SYTL3: variants seen among roughly 807,000 people sequenced by gnomAD.
SYTL3 encodes the protein synaptotagmin like 3, also known as synaptotagmin-like protein 3.
In SYTL3, 88 loss-of-function variants were observed where a neutral mutation model predicts 82.1. The observed-to-expected ratio is 1.07, with a 90% CI of 0.90 to 1.28. The LOEUF (loss-of-function observed/expected upper bound fraction) is 1.28, where lower values mean the gene tolerates loss of function less well. Among genes scored for constraint, SYTL3 ranks in the 50% most tolerant of loss-of-function variants. The pLI is 0.00. For missense variants in SYTL3, 831 were observed against 757.6 expected (o/e 1.10, Z -1.14); for synonymous variants, 311 against 289.4 (o/e 1.07, Z -0.76).
At chr6:158,760,168 G>A (rs1789714523) in intron 14 of SYTL3, among the ~76,000 whole-genome samples, 1 of 152,152 alleles carries the variant, frequency 6.6e-6, no homozygotes, top group Non-Finnish European at 1.5e-5. Context: ...ACCACACCCT[G>A]AGGGGCCACC....
intron 4 of SYTL3, among the ~76,000 whole-genome samples, chr6:158,664,291 TC>T (rs1449038716): frequency 6.6e-6 from 1 of 152,230 alleles, no homozygotes; most frequent in Admixed American, 6.5e-5. Context: ...ACGCCTGTCA[TC>T]CCAGCACTTT....
At chr6:158,666,016 T>C (rs559757265) in intron 5 of SYTL3, among the ~76,000 whole-genome samples, 1 of 152,196 alleles carries the variant, frequency 6.6e-6, no homozygotes, top group East Asian at 1.9e-4. Flanking sequence ...GAGGCTGAGA[T>C]GAGAGGATCA....
intron 17 of SYTL3, among the ~76,000 whole-genome samples, chr6:158,764,165 G>A (rs958762243): frequency 1.3e-5 from 2 of 152,172 alleles, no homozygotes; most frequent in South Asian, 2.1e-4. Flanking sequence ...AGTCTGAGAC[G>A]GCCCCACCCA....
In SYTL3 at chr6:158,764,534, C is replaced by G. The variant is rs755226340; in HGVS notation, c.1763C>G (p.Ser588Trp). 3 of 1,613,932 alleles carry G rather than the reference C, an allele frequency of 1.9e-6. No individual in the cohort carries two copies. The highest frequency in any genetic ancestry group is 1.3e-5 in the African/African-American group (1 of 74,898). Residue 588 changes from serine (S) to tryptophan (W), a missense_variant, in exon 18 of 18, where the codon TCG (serine) becomes TGG (tryptophan). Coordinates refer to ENST00000611299, the MANE Select transcript of SYTL3 (RefSeq NM_001242394.2). ...GTTGGCGGGGATGCATGCTCACTAT[C>G]GAAGCTCCAGTGGCAGAAAGTCCTT... ...TAVGGDACSL[S>W]KLQWQKVLSS...
At chr6:158,745,417 C>T in intron 11 of SYTL3, 63 bp from the exon 12 acceptor site, 1 of 1,420,188 alleles carries the variant, frequency 7.0e-7, no homozygotes. Flanking sequence ...TGTCTTGAAA[C>T]CAGAACATCA....
intron 7 of SYTL3, 142 bp from the exon 8 acceptor site, chr6:158,708,180 G>T (rs1396916103): frequency 1.3e-6 from 1 of 744,132 alleles, no homozygotes; most frequent in African/African-American, 1.7e-5. Context: ...AGGGCTGCTG[G>T]CTATTTTTCC....
At chr6:158,701,712 G>T (rs1781327673) in intron 6 of SYTL3, among the ~76,000 whole-genome samples, 1 of 151,844 alleles carries the variant, frequency 6.6e-6, no homozygotes, top group South Asian at 2.1e-4. Flanking sequence ...TTGCCTCCTG[G>T]GGCTGCAGTA....
At chr6:158,674,571 T>A (rs1777814278) in intron 5 of SYTL3, among the ~76,000 whole-genome samples, 1 of 152,246 alleles carries the variant, frequency 6.6e-6, no homozygotes, top group African/African-American at 2.4e-5. Context: ...GTGCTCCTGC[T>A]TTCGGCCTTC....
At chr6:158,750,861 T>C (rs1403344775) in intron 12 of SYTL3, among the ~76,000 whole-genome samples, 1 of 152,182 alleles carries the variant, frequency 6.6e-6, no homozygotes, top group African/African-American at 2.4e-5. Context: ...AGTGGCGCGA[T>C]CTCGGCTCAC....
intron 2 of SYTL3, among the ~76,000 whole-genome samples, chr6:158,661,020 A>T (rs1789320536): frequency 6.6e-6 from 1 of 152,196 alleles, no homozygotes; most frequent in African/African-American, 2.4e-5. Flanking sequence ...GTGCCACTGC[A>T]CTCCAGCCTG....
chr6:158,700,211 G>A (rs1281546278), intron 6 of SYTL3, among the ~76,000 whole-genome samples: 2 of 152,032 alleles, frequency 1.3e-5, no homozygotes, highest in Non-Finnish European at 2.9e-5. Flanking sequence ...AGCCGAGATC[G>A]CACCATTGTA....
chr6:158,756,718 A>ATTTTTTTT (rs1554266255), intron 13 of SYTL3, among the ~76,000 whole-genome samples: 1 of 47,340 alleles, frequency 2.1e-5, no homozygotes, highest in Non-Finnish European at 4.0e-5. Flanking sequence ...CTCAAAAAAA[A>ATTTTTTTT]ATTTTTTTTT....
At chr6:158,734,988 C>T (rs1025483942) in intron 11 of SYTL3, among the ~76,000 whole-genome samples, 2 of 152,188 alleles carry the variant, frequency 1.3e-5, no homozygotes, top group Non-Finnish European at 2.9e-5. Flanking sequence ...GACTGTAGAA[C>T]TCTGATTCAA....
chr6:158,678,976 T>G (rs1019104264), intron 5 of SYTL3, among the ~76,000 whole-genome samples: 2 of 152,180 alleles, frequency 1.3e-5, no homozygotes, highest in Non-Finnish European at 2.9e-5. Flanking sequence ...TGGTTACTAA[T>G]GAATCACACT....
At chr6:158,690,637 C>G (rs1779763468) in intron 6 of SYTL3, among the ~76,000 whole-genome samples, 1 of 151,870 alleles carries the variant, frequency 6.6e-6, no homozygotes, top group Admixed American at 6.6e-5. Context: ...AAAAAATGAG[C>G]CTCAGTTCTT....
At chr6:158,753,086 T>C (rs1327331617) in intron 13 of SYTL3, among the ~76,000 whole-genome samples, 2 of 147,286 alleles carry the variant, frequency 1.4e-5, no homozygotes, top group African/African-American at 5.0e-5. Flanking sequence ...TCTTTTTTTT[T>C]TTTTTTTTTT....
chr6:158,666,243 T>A (rs1220634017), intron 5 of SYTL3, among the ~76,000 whole-genome samples: 1 of 152,162 alleles, frequency 6.6e-6, no homozygotes, highest in African/African-American at 2.4e-5. Context: ...AATATTGGAG[T>A]AATCATCTGA....
chr6:158,715,776 A>G (rs1373298652), intron 9 of SYTL3, among the ~76,000 whole-genome samples: 1 of 151,800 alleles, frequency 6.6e-6, no homozygotes, highest in Admixed American at 6.6e-5. Flanking sequence ...ACGTGACCAC[A>G]CACACGCCCT....
At chr6:158,693,342 C>G (rs1050029875) in intron 6 of SYTL3, among the ~76,000 whole-genome samples, 1 of 152,090 alleles carries the variant, frequency 6.6e-6, no homozygotes, top group Admixed American at 6.5e-5. Context: ...TTCAGCCCCC[C>G]AAGTAGCTGG....
Sources: gnomAD v4.1 joint callset for allele counts (sites outside exome capture counted in the v4.1 genomes callset) on GRCh38, gnomAD v4.1.1 for gene constraint, MANE v1.5 for transcripts, NCBI Gene and HGNC (gene_info 2026-07-23, HGNC 2026-07-21) for gene names.